NKAIN2: variants seen among roughly 807,000 people sequenced by gnomAD.
NKAIN2 encodes the protein sodium/potassium-transporting ATPase subunit beta-1-interacting protein 2.
Under a neutral mutation model 32.6 loss-of-function variants are expected in NKAIN2, and 14 were observed. That is an observed-to-expected ratio of 0.43 (90% CI 0.28 to 0.67). The LOEUF (loss-of-function observed/expected upper bound fraction) is 0.67. Among genes scored for constraint, NKAIN2 ranks in the 30% least tolerant of loss-of-function variants. NKAIN2 has a pLI of 0.17. For missense variants in NKAIN2, 198 were observed against 258.3 expected (o/e 0.77, Z 1.60); for synonymous variants, 80 against 87.2 (o/e 0.92, Z 0.46).
intron 2 of NKAIN2, among the ~76,000 whole-genome samples, chr6:124,305,409 C>T (rs1381434162): frequency 2.6e-5 from 4 of 152,086 alleles, no homozygotes; most frequent in East Asian, 1.9e-4. Flanking sequence ...CAGGACTTCA[C>T]GACTTACTGG....
chr6:123,826,625 A>G (rs994958192), intron 1 of NKAIN2, among the ~76,000 whole-genome samples: 2 of 152,100 alleles, frequency 1.3e-5, no homozygotes, highest in Non-Finnish European at 2.9e-5. Context: ...TATCCTTTTG[A>G]GCCTGACTTA....
At chr6:124,704,564 C>T (rs1220033972) in intron 4 of NKAIN2, among the ~76,000 whole-genome samples, 4 of 151,444 alleles carry the variant, frequency 2.6e-5, no homozygotes, top group Non-Finnish European at 4.4e-5. Flanking sequence ...TAAGGAAAAA[C>T]CATAACCCTA....
chr6:124,805,740 A>G (rs1780517883), intron 5 of NKAIN2, among the ~76,000 whole-genome samples: 1 of 151,730 alleles, frequency 6.6e-6, no homozygotes, highest in South Asian at 2.1e-4. Flanking sequence ...AAAAACATTG[A>G]AAAAAATTTA....
rs117177384 is a variant in NKAIN2 at position 124,775,853 on chromosome 6, A to G, written c.475-15486A>G. On this transcript the variant is annotated intron_variant, in intron 4 of 6. Transcript: ENST00000368417. ...ATAATGATTTTTTTTTCCTTTTACT[A>G]TCCTGAACATTTCTGTTCTTTTAGA... Among the ~76,000 whole-genome samples, 251 of 152,198 alleles carry G rather than the reference A, an allele frequency of 1.6e-3. 2 individuals carry two copies. Among genetic ancestry groups the G allele is most frequent in the Middle Eastern group, 6.8e-3 (2 of 294 alleles).
chr6:124,711,441 C>G (rs1775452065), intron 4 of NKAIN2, among the ~76,000 whole-genome samples: 1 of 150,574 alleles, frequency 6.6e-6, no homozygotes, highest in Non-Finnish European at 1.5e-5. Flanking sequence ...TTCTCCCCAT[C>G]ACTTTCAGGT....
chr6:124,025,362 C>T (rs1781057724), intron 1 of NKAIN2, among the ~76,000 whole-genome samples: 1 of 151,978 alleles, frequency 6.6e-6, no homozygotes, highest in Non-Finnish European at 1.5e-5. Flanking sequence ...TCCCAATATA[C>T]CCCCAGCTCT....
chr6:124,276,736 C>G (rs1172050469), intron 1 of NKAIN2, among the ~76,000 whole-genome samples: 1 of 152,046 alleles, frequency 6.6e-6, no homozygotes, highest in African/African-American at 2.4e-5. Flanking sequence ...TTATAAAGAC[C>G]TAGAATATCT....
chr6:123,995,434 C>T (rs902219939), intron 1 of NKAIN2, among the ~76,000 whole-genome samples: 2 of 152,138 alleles, frequency 1.3e-5, no homozygotes, highest in Non-Finnish European at 2.9e-5. Context: ...ACATTTCTTG[C>T]TTACCTAAGG....
At chr6:124,281,095 A>G (rs972335130) in intron 1 of NKAIN2, among the ~76,000 whole-genome samples, 25 of 152,122 alleles carry the variant, frequency 1.6e-4, no homozygotes, top group Admixed American at 1.6e-3. Context: ...TGGTGCATTT[A>G]TTGAGATATT....
At position 124,355,323 on chromosome 6, in the gene NKAIN2, T is replaced by C; in HGVS notation, c.249T>C (p.Tyr83=). The change falls in exon 3 of 7, where the codon TAT becomes TAC. Residue 83 remains tyrosine, a synonymous_variant. Transcript: ENST00000368417. Reference sequence around the variant, plus strand: ...GGAATGTGTTTGTTATCTGCTTCTATTTGGAGGCTGGGGACCTCTCAAAGG... The same window carrying C: ...GGAATGTGTTTGTTATCTGCTTCTACTTGGAGGCTGGGGACCTCTCAAAGG... ...VTWNVFVICF[Y]LEAGDLSKET... 6.2e-7 allele frequency: 1 copy of C among 1,609,506 alleles called. No individual in the cohort carries two copies. The highest frequency in any genetic ancestry group is 1.7e-5 in the Admixed American group (1 of 60,012).
intron 3 of NKAIN2, among the ~76,000 whole-genome samples, chr6:124,653,734 A>G (rs1364079426): frequency 6.6e-6 from 1 of 152,186 alleles, no homozygotes; most frequent in East Asian, 1.9e-4. Flanking sequence ...AGACTGGTAG[A>G]AAATATTGCA....
At chr6:124,454,751 T>C (rs1041690035) in intron 3 of NKAIN2, among the ~76,000 whole-genome samples, 9 of 152,082 alleles carry the variant, frequency 5.9e-5, no homozygotes, top group African/African-American at 1.9e-4. Flanking sequence ...AGAAGGGTGG[T>C]GTCTTGTCAG....
At chr6:123,813,415 T>C (rs973549313) in intron 1 of NKAIN2, among the ~76,000 whole-genome samples, 1 of 152,206 alleles carries the variant, frequency 6.6e-6, no homozygotes. Flanking sequence ...AGGTTTTACC[T>C]GATTGCTTTG....
At chr6:124,146,887 T>A (rs1286739316) in intron 1 of NKAIN2, among the ~76,000 whole-genome samples, 1 of 152,206 alleles carries the variant, frequency 6.6e-6, no homozygotes. Flanking sequence ...GGAATATGTT[T>A]CAGAGAAAAG....
chr6:124,317,248 C>T (rs563376825), intron 2 of NKAIN2, among the ~76,000 whole-genome samples: 1 of 152,226 alleles, frequency 6.6e-6, no homozygotes, highest in South Asian at 2.1e-4. Flanking sequence ...TGTCAGAACC[C>T]TGGACTGTGG....
chr6:124,117,503 C>T (rs1393096866), intron 1 of NKAIN2, among the ~76,000 whole-genome samples: 1 of 152,088 alleles, frequency 6.6e-6, no homozygotes, highest in Non-Finnish European at 1.5e-5. Context: ...GGCATCATGC[C>T]GTCTTTCACT....
At chr6:124,563,041 A>G (rs943900227) in intron 3 of NKAIN2, among the ~76,000 whole-genome samples, 3 of 151,398 alleles carry the variant, frequency 2.0e-5, no homozygotes, top group African/African-American at 7.3e-5. Context: ...AGTAGCTGGG[A>G]TTAAGACGCT....
At chr6:124,357,552 C>G (rs974977305) in intron 3 of NKAIN2, among the ~76,000 whole-genome samples, 1 of 151,874 alleles carries the variant, frequency 6.6e-6, no homozygotes, top group African/African-American at 2.4e-5. Flanking sequence ...TTGAATGTGT[C>G]TACCCTATGA....
At chr6:124,212,036 T>C (rs1041338556) in intron 1 of NKAIN2, among the ~76,000 whole-genome samples, 33 of 152,176 alleles carry the variant, frequency 2.2e-4, no homozygotes, top group African/African-American at 7.5e-4. Context: ...GTTTATTGAA[T>C]AAGAACAGAA....
Sources: gnomAD v4.1 joint callset for allele counts (sites outside exome capture counted in the v4.1 genomes callset) on GRCh38, gnomAD v4.1.1 for gene constraint, MANE v1.5 for transcripts, NCBI Gene and HGNC (gene_info 2026-07-23, HGNC 2026-07-21) for gene names.